MYOCD: variants seen among roughly 807,000 people sequenced by gnomAD.
MYOCD encodes myocardin.
In MYOCD, 32 loss-of-function variants were observed where a neutral mutation model predicts 96.1. That is an observed-to-expected ratio of 0.33 (90% CI 0.25 to 0.45). The LOEUF (loss-of-function observed/expected upper bound fraction) is 0.45. Ranked by LOEUF, MYOCD falls within the 20% of genes least tolerant of loss-of-function variation. The probability of loss-of-function intolerance (pLI) is 1.00; values close to 1 mark genes in which losing one functional copy is unlikely to be tolerated. For synonymous variants in MYOCD, 469 were observed against 469.0 expected, an observed-to-expected ratio of 1.00 and a Z score of 0.00; for missense variants, 1,133 against 1,200.6, an observed-to-expected ratio of 0.94 and a Z score of 0.83.
chr17:12,752,740 G>T lies in MYOCD; in HGVS notation c.1452G>T (p.Leu484=). The part of the protein sequence containing the change: ...TFNDASPSFG[L]HPSPVHVCTE... ...ATGATGCCTCCCCCTCCTTCGGCCT[G>T]CACCCGTCCCCAGTCCACGTGTGCA... The change falls in exon 10 of 14, where the codon CTG becomes CTT. Residue 484 remains leucine (L), a synonymous_variant. Transcript: ENST00000425538. 1 of 1,614,150 alleles carries T rather than the reference G, an allele frequency of 6.2e-7. No homozygotes were observed. Among genetic ancestry groups the T allele is most frequent in the Non-Finnish European group, 8.5e-7 (1 of 1,180,022 alleles).
intron 10 of MYOCD, among the ~76,000 whole-genome samples, chr17:12,754,125 G>A (rs1012119060): frequency 6.6e-6 from 1 of 151,674 alleles, no homozygotes; most frequent in Non-Finnish European, 1.5e-5. Flanking sequence ...GTTTTTTTGA[G>A]ATAGAGTCTC....
intron 9 of MYOCD, among the ~76,000 whole-genome samples, chr17:12,747,329 G>A (rs1414684125): frequency 6.6e-6 from 1 of 151,080 alleles, no homozygotes; most frequent in Admixed American, 6.7e-5. Context: ...TGTATGGGGA[G>A]AGGCGCCATC....
rs185122279 is a variant in MYOCD, at chr17:12,746,974, G to A, written c.1125+902G>A. ...AACTCCTGACCTCAGGTGATCCACC[G>A]GCCTTGGCCTCCCAAAGTGCTGGGA... On this transcript the variant is annotated intron_variant, in intron 9 of 13. Coordinates refer to ENST00000425538, the MANE Select transcript of MYOCD (RefSeq NM_001146312.3). Among the ~76,000 whole-genome samples the A allele has an allele frequency of 1.3e-3, 200 of 151,730 alleles. 1 individual carries two copies. Among genetic ancestry groups the A allele is most frequent in the African/African-American group, 4.6e-3 (192 of 41,398 alleles).
intron 1 of MYOCD, among the ~76,000 whole-genome samples, chr17:12,673,340 T>C (rs1389557650): frequency 1.3e-5 from 2 of 152,320 alleles, no homozygotes; most frequent in Middle Eastern, 3.4e-3. Flanking sequence ...TTTTTGTCAT[T>C]TGTGTTCTCT....
chr17:12,718,403 G>A (rs2031714758), intron 4 of MYOCD, among the ~76,000 whole-genome samples: 1 of 152,200 alleles, frequency 6.6e-6, no homozygotes, highest in Non-Finnish European at 1.5e-5. Flanking sequence ...GGGGGTCGCA[G>A]TCTGAGGGAA....
intron 9 of MYOCD, among the ~76,000 whole-genome samples, chr17:12,747,490 A>C (rs954824280): frequency 6.6e-6 from 1 of 152,188 alleles, no homozygotes; most frequent in African/African-American, 2.4e-5. Flanking sequence ...TCCATCAGTA[A>C]GAATTAGCCA....
intron 5 of MYOCD, among the ~76,000 whole-genome samples, chr17:12,733,683 C>T (rs1375423531): frequency 6.6e-6 from 1 of 152,118 alleles, no homozygotes. Flanking sequence ...GCCTGGCTAA[C>T]ATGGTGAAAC....
intron 6 of MYOCD, 53 bp downstream of exon 6, chr17:12,736,389 A>G: frequency 1.3e-6 from 2 of 1,574,716 alleles, no homozygotes; most frequent in Non-Finnish European, 8.7e-7. Flanking sequence ...TCAGTGTATT[A>G]TCGTTTCAGT....
chr17:12,671,930 G>C (rs1179355340), intron 1 of MYOCD: 1 of 152,112 alleles, frequency 6.6e-6, no homozygotes, highest in African/African-American at 2.4e-5. Context: ...TGGTGAACAG[G>C]TACCCCACAT....
Position 12,705,192 on chromosome 17 carries a change from A to T in MYOCD, c.120A>T (p.Pro40=), listed in dbSNP as rs1386578398. 6.2e-6 allele frequency: 10 copies of T among 1,609,814 alleles called. 1 individual carries two copies. In the South Asian group the frequency reaches 1.1e-4, roughly 18 times the overall value. ...AACTGGCTAACCAAGGCATAATACC[A>T]CGTGAGTACCTGCATCTCTTAATTA... The part of the protein sequence containing the change: ...QEQLANQGII[P]PLKRPAEFHE... The change falls in exon 2 of 14, where the codon CCA becomes CCT. Residue 40 remains proline (P), a splice_region_variant and synonymous_variant. Transcript: ENST00000425538.
chr17:12,707,058 C>CAG (rs2031314280), intron 2 of MYOCD, among the ~76,000 whole-genome samples: 1 of 152,158 alleles, frequency 6.6e-6, no homozygotes, highest in Non-Finnish European at 1.5e-5. Flanking sequence ...CCTGCCTGTA[C>CAG]AGACCTTTTC....
intron 12 of MYOCD, chr17:12,760,404 G>A (rs28730827): frequency 2.5e-5 from 12 of 470,632 alleles, no homozygotes; most frequent in Non-Finnish European, 1.2e-5. Flanking sequence ...CTTGCAGGAT[G>A]AAAAGAATTC....
intron 5 of MYOCD, 152 bp downstream of exon 5, chr17:12,723,160 A>AG (rs564906205): frequency 4.2e-5 from 31 of 746,180 alleles, no homozygotes; most frequent in Non-Finnish European, 6.4e-5. Context: ...CTCCATAACC[A>AG]GGGATCCTGG....
chr17:12,676,017 T>C (rs1046846319), intron 1 of MYOCD, among the ~76,000 whole-genome samples: 39 of 152,190 alleles, frequency 2.6e-4, no homozygotes, highest in Non-Finnish European at 8.8e-5. Context: ...TAAAACTGTA[T>C]TCGTATCTAC....
chr17:12,749,709 G>A (rs199670950), intron 9 of MYOCD, among the ~76,000 whole-genome samples: 3 of 139,214 alleles, frequency 2.2e-5, no homozygotes, highest in East Asian at 2.4e-4. Context: ...ATACATATGT[G>A]TATATATATG....
chr17:12,673,433 C>T (rs1310239612), intron 1 of MYOCD, among the ~76,000 whole-genome samples: 1 of 152,074 alleles, frequency 6.6e-6, no homozygotes, highest in African/African-American at 2.4e-5. Context: ...GCCTTTTTAT[C>T]GTTAGTATAA....
At chr17:12,754,301 A>T (rs953387776) in intron 10 of MYOCD, among the ~76,000 whole-genome samples, 6 of 152,138 alleles carry the variant, frequency 3.9e-5, no homozygotes, top group Non-Finnish European at 5.9e-5. Context: ...ACAGAGTTTC[A>T]CCATGTTGGC....
In MYOCD at chr17:12,756,637, A is replaced by T. The variant is rs12103689; in HGVS notation, c.2202+80A>T. ...CTGTAACCCGGGAGGCAGAAGTTGC[A>T]GTGAGCCGAGATCGCACCACTGCAC... is the stretch of plus-strand genomic sequence containing the variant. On this transcript the variant is annotated intron_variant, in intron 11 of 13. Coordinates refer to ENST00000425538, the MANE Select transcript of MYOCD (RefSeq NM_001146312.3). The T allele has an allele frequency of 4.4e-6, 6 of 1,353,766 alleles. No homozygotes were observed. In the African/African-American group the frequency reaches 8.8e-5, roughly 20 times the overall value. 83.9% of individuals were successfully genotyped at this position (1,353,766 alleles called of 1,614,324 possible).
intron 5 of MYOCD, among the ~76,000 whole-genome samples, chr17:12,732,533 G>A (rs560618091): frequency 6.6e-6 from 1 of 152,250 alleles, no homozygotes; most frequent in Admixed American, 6.5e-5. Flanking sequence ...TTCTCTGATT[G>A]TGTCCCATCC....
Sources: gnomAD v4.1 joint callset for allele counts (sites outside exome capture counted in the v4.1 genomes callset) on GRCh38, gnomAD v4.1.1 for gene constraint, MANE v1.5 for transcripts, NCBI Gene and HGNC (gene_info 2026-07-23, HGNC 2026-07-21) for gene names.